FBXO31: variants seen among roughly 807,000 people sequenced by gnomAD.
FBXO31 encodes the protein F-box only protein 31.
A neutral mutation model predicts 54.4 loss-of-function variants in FBXO31; 24 were observed. The observed-to-expected ratio is 0.44, with a 90% CI of 0.32 to 0.62. The LOEUF (loss-of-function observed/expected upper bound fraction) is 0.62, where lower values mean the gene tolerates loss of function less well. Among genes scored for constraint, FBXO31 ranks in the 20% least tolerant of loss-of-function variants. FBXO31 has a pLI of 0.05. For missense variants in FBXO31, 665 were observed against 787.1 expected (o/e 0.84, Z 1.86); for synonymous variants, 388 against 335.6 (o/e 1.16, Z -1.71).
At position 87,383,610 on chromosome 16, in the gene FBXO31, C is replaced by T. The variant is rs1907187880; in HGVS notation, c.135G>A (p.Glu45=). The part of the protein sequence containing the change: ...PDTDPEEERI[E]ASAGVGGGLC... ...AGCCGCCCCCGACCCCGGCGCTAGC[C>T]TCGATGCGCTCCTCCTCGGGGTCTG... Residue 45 remains glutamate, a synonymous_variant, in exon 1 of 9, where the codon GAG becomes GAA. Transcript: ENST00000311635. The surrounding 1 kb of genome is among the most constrained non-coding windows in gnomAD (Gnocchi z 4.9). 2 of 1,465,814 alleles carry T rather than the reference C, an allele frequency of 1.4e-6. No individual in the cohort carries two copies. The highest frequency in any genetic ancestry group is 9.0e-7 in the Non-Finnish European group (1 of 1,114,610). 90.8% of individuals were successfully genotyped at this position (1,465,814 alleles called of 1,614,324 possible).
chr16:87,362,718 G>A (rs1301807395), intron 1 of FBXO31: 2 of 152,184 alleles, frequency 1.3e-5, no homozygotes, highest in African/African-American at 4.8e-5. Flanking sequence ...ACAACACCAT[G>A]CTGGGCCAAT....
intron 5 of FBXO31, among the ~76,000 whole-genome samples, chr16:87,341,409 A>G (rs1905189117): frequency 6.6e-6 from 1 of 152,190 alleles, no homozygotes; most frequent in South Asian, 2.1e-4. Flanking sequence ...TAATCCCGGC[A>G]CTTTGGGAGG....
intron 1 of FBXO31, among the ~76,000 whole-genome samples, chr16:87,364,007 C>T (rs1201897578): frequency 4.6e-5 from 7 of 152,132 alleles, no homozygotes; most frequent in Non-Finnish European, 1.0e-4. Context: ...AGAGCAAGGA[C>T]GGGGAGGGCA....
chr16:87,371,987 G>A (rs1345472037), intron 1 of FBXO31, among the ~76,000 whole-genome samples: 1 of 152,050 alleles, frequency 6.6e-6, no homozygotes, highest in Non-Finnish European at 1.5e-5. Context: ...ACTTTAGGAG[G>A]CCGAGGTGGG....
intron 2 of FBXO31, among the ~76,000 whole-genome samples, chr16:87,347,510 C>A (rs1183042318): frequency 6.6e-6 from 1 of 152,082 alleles, no homozygotes; most frequent in Non-Finnish European, 1.5e-5. Flanking sequence ...GAAACCCCGT[C>A]TCTACTAAAA....
At position 87,335,297 on chromosome 16, in the gene FBXO31, C is replaced by T; in HGVS notation, c.996+7G>A. ...GAGCCCCACCAACCAGGTCAGCCGCCACTCACCGTGATCTTGGTGCCCCTG... is the reference window on the plus strand; with the variant it reads ...GAGCCCCACCAACCAGGTCAGCCGCTACTCACCGTGATCTTGGTGCCCCTG... On this transcript the variant is annotated splice_region_variant and intron_variant, in intron 7 of 8. Coordinates refer to ENST00000311635, the MANE Select transcript of FBXO31 (RefSeq NM_024735.5). This position sits in a 1 kb window ranked among gnomAD's most constrained non-coding sequence, Gnocchi z 5.7. The T allele has an allele frequency of 6.2e-7, 1 of 1,613,144 alleles. No homozygotes were observed. The highest frequency in any genetic ancestry group is 8.5e-7 in the Non-Finnish European group (1 of 1,179,990).
Position 87,338,094 on chromosome 16 carries a change from G to C in FBXO31, c.733-1830C>G, listed in dbSNP as rs555853055. Among the ~76,000 whole-genome samples the C allele has an allele frequency of 1.1e-4, 16 of 152,250 alleles. 1 individual carries two copies. The highest frequency in any genetic ancestry group is 3.9e-4 in the African/African-American group (16 of 41,554). On this transcript the variant is annotated intron_variant, in intron 5 of 8. Transcript: ENST00000311635. This position sits in a 1 kb window ranked among gnomAD's most constrained non-coding sequence, Gnocchi z 4.3. ...TTCAACTTGACACCATCAGGAAGAT[G>C]AGCATGTGTAGCCATGACCTCGCTT...
At position 87,346,641 on chromosome 16, in the gene FBXO31, C is replaced by T. The variant is rs1044466040; in HGVS notation, c.489+533G>A. Among the ~76,000 whole-genome samples the T allele has an allele frequency of 4.6e-5, 7 of 152,328 alleles. No individual in the cohort carries two copies. The East Asian group carries it at 7.7e-4, about 17-fold the overall frequency. On this transcript the variant is annotated intron_variant, in intron 3 of 8. Coordinates refer to ENST00000311635, the MANE Select transcript of FBXO31 (RefSeq NM_024735.5). The surrounding 1 kb of genome is among the most constrained non-coding windows in gnomAD (Gnocchi z 4.2). ...CACCAGCCTGGACTTCCGCCTGCAA[C>T]GTTCTAGCACTTTCTAGCAGGGGCC...
At chr16:87,355,115 T>C (rs921961104) in intron 2 of FBXO31, among the ~76,000 whole-genome samples, 1 of 152,160 alleles carries the variant, frequency 6.6e-6, no homozygotes, top group Non-Finnish European at 1.5e-5. Flanking sequence ...CCCAACACTT[T>C]GGGAGGTCAA....
At chr16:87,357,857 G>A (rs1905963763) in intron 2 of FBXO31, among the ~76,000 whole-genome samples, 1 of 151,388 alleles carries the variant, frequency 6.6e-6, no homozygotes, top group East Asian at 1.9e-4. Context: ...TACTTGAACC[G>A]AGGAGGCAGA....
intron 5 of FBXO31, among the ~76,000 whole-genome samples, chr16:87,337,551 T>C (rs533433363): frequency 1.3e-5 from 2 of 152,322 alleles, no homozygotes; most frequent in East Asian, 3.9e-4. Flanking sequence ...GCTCCCGTCA[T>C]GACACGGCGT....
chr16:87,391,082 G>A (rs111490429), upstream of FBXO31, among the ~76,000 whole-genome samples: 4,777 of 152,276 alleles, frequency 0.031, 235 homozygotes, highest in African/African-American at 0.11. Context: ...CGGGAGCAGT[G>A]GCTCACGCCT....
At chr16:87,390,058 A>G (rs570069151), upstream of FBXO31, 2 of 152,396 alleles carry the variant, frequency 1.3e-5, no homozygotes, top group African/African-American at 4.8e-5. Flanking sequence ...AGGCGTGTGG[A>G]TCACCTGAGG....
Position 87,383,375 on chromosome 16 carries a change from CTCCCGG to C in FBXO31, c.340+24_340+29del. 6.7e-7 allele frequency: 1 copy of C among 1,498,366 alleles called. No homozygotes were observed. The highest frequency in any genetic ancestry group is 9.0e-7 in the Non-Finnish European group (1 of 1,115,308). 92.8% of individuals were successfully genotyped at this position (1,498,366 alleles called of 1,614,324 possible). ...TCCACCTGGCAGGGACCCCCCGCCC[CTCCCGG>C]CCCCGCCACCCCCGCGCGCTCACCC... On this transcript the variant is annotated intron_variant, in intron 1 of 8. Transcript: ENST00000311635. This position sits in a 1 kb window ranked among gnomAD's most constrained non-coding sequence, Gnocchi z 4.9.
intron 5 of FBXO31, among the ~76,000 whole-genome samples, chr16:87,341,002 T>A (rs1300096682): frequency 6.6e-6 from 1 of 152,142 alleles, no homozygotes; most frequent in African/African-American, 2.4e-5. Flanking sequence ...ACCAGACAGT[T>A]CATGAAACAG....
Position 87,383,016 on chromosome 16 carries a change from G to A in FBXO31, c.340+389C>T, listed in dbSNP as rs943040335. On this transcript the variant is annotated intron_variant, in intron 1 of 8. Transcript: ENST00000311635. This position sits in a 1 kb window ranked among gnomAD's most constrained non-coding sequence, Gnocchi z 4.9. ...GCTCGCCTTCAAGACAGGGGCAGAG[G>A]AGGCGGCCCCCAGGCGTCAGCTTAG... 5.3e-5 allele frequency among the ~76,000 whole-genome samples: 8 copies of A among 152,042 alleles called. No homozygotes were observed. Among genetic ancestry groups the A allele is most frequent in the Admixed American group, 3.3e-4 (5 of 15,278 alleles).
chr16:87,352,611 C>A (rs560678244), intron 2 of FBXO31, among the ~76,000 whole-genome samples: 20 of 152,256 alleles, frequency 1.3e-4, no homozygotes, highest in African/African-American at 4.6e-4. Context: ...CCAGGGAAGC[C>A]GTGTCCATCA....
chr16:87,357,871 T>G (rs1905964545), intron 2 of FBXO31, among the ~76,000 whole-genome samples: 1 of 151,000 alleles, frequency 6.6e-6, no homozygotes, highest in African/African-American at 2.5e-5. Flanking sequence ...AGGCAGAGGT[T>G]GTGACACTGC....
At chr16:87,352,140 A>G (rs1216673576) in intron 2 of FBXO31, among the ~76,000 whole-genome samples, 1 of 152,220 alleles carries the variant, frequency 6.6e-6, no homozygotes, top group Non-Finnish European at 1.5e-5. Context: ...ACATACACAG[A>G]TGCCAACACA....
Sources: gnomAD v4.1 joint callset for allele counts (sites outside exome capture counted in the v4.1 genomes callset) on GRCh38, gnomAD v4.1.1 for gene constraint, Gnocchi (gnomAD v3.1) non-coding constraint, MANE v1.5 for transcripts, NCBI Gene and HGNC (gene_info 2026-07-23, HGNC 2026-07-21) for gene names.